The following COG3 variants were observed in gnomAD, a reference collection of about 807,000 sequenced individuals.
COG3 encodes component of oligomeric golgi complex 3, also known as conserved oligomeric Golgi complex subunit 3.
In COG3, 32 loss-of-function variants were observed where a neutral mutation model predicts 114.1. That is an observed-to-expected ratio of 0.28 (90% confidence interval 0.21 to 0.38). The LOEUF (loss-of-function observed/expected upper bound fraction) is 0.38. Ranked by LOEUF, COG3 falls within the 10% of genes least tolerant of loss-of-function variation. The pLI is 1.00. For missense variants in COG3, 813 were observed against 973.2 expected (o/e 0.84, Z 2.19); for synonymous variants, 352 against 365.7 (o/e 0.96, Z 0.43).
At chr13:45,519,914 A>G (rs1011968069) in intron 19 of COG3, among the ~76,000 whole-genome samples, 5 of 152,236 alleles carry the variant, frequency 3.3e-5, no homozygotes, top group African/African-American at 1.2e-4. Flanking sequence ...CTATTTTGAC[A>G]TTCTTGTTTC....
At chr13:45,499,435 A>G (rs1168770103) in intron 13 of COG3, among the ~76,000 whole-genome samples, 1 of 152,224 alleles carries the variant, frequency 6.6e-6, no homozygotes, top group African/African-American at 2.4e-5. Context: ...CAGATTTCAA[A>G]TCTCTTTAGA....
Position 45,503,361 on chromosome 13 carries a change from T to A in COG3, c.1594+12T>A. ...TCTGACAAAATCTGGTATGTTATGA[T>A]GTCTTAACTGCCAGCATTTATTCAT... On this transcript the variant is annotated intron_variant, in intron 14 of 22. Transcript: ENST00000349995. The A allele has an allele frequency of 2.4e-6, 3 of 1,271,082 alleles. No homozygotes were observed. The highest frequency in any genetic ancestry group is 3.5e-6 in the Non-Finnish European group (3 of 868,108). The allele number at this position is 1,271,082 out of a possible 1,614,324, so 78.7% of individuals were successfully genotyped here.
intron 12 of COG3, 92 bp from the exon 13 acceptor site, chr13:45,496,060 C>A: frequency 7.7e-7 from 1 of 1,296,290 alleles, no homozygotes; most frequent in Non-Finnish European, 1.1e-6. Context: ...GTGGTTCATA[C>A]TGTTTCTGAA....
chr13:45,470,867 T>C (rs1041989969), intron 1 of COG3, among the ~76,000 whole-genome samples: 3 of 152,268 alleles, frequency 2.0e-5, no homozygotes, highest in Non-Finnish European at 2.9e-5. Context: ...GTTCAGCTTA[T>C]GACTTTCTGA....
chr13:45,475,667 T>C (rs758335059), intron 1 of COG3, among the ~76,000 whole-genome samples: 3 of 152,124 alleles, frequency 2.0e-5, no homozygotes, highest in African/African-American at 7.2e-5. Context: ...ACCACCCTTA[T>C]TAGAAAGCTA....
intron 1 of COG3, among the ~76,000 whole-genome samples, chr13:45,469,024 C>A (rs1593667548): frequency 6.6e-6 from 1 of 152,154 alleles, no homozygotes; most frequent in Admixed American, 6.5e-5. Context: ...ACTTGTTTTG[C>A]TACTTTAAAA....
In COG3 at chr13:45,467,841, C is replaced by A. The variant is rs1049253808; in HGVS notation, c.174+2631C>A. On this transcript the variant is annotated intron_variant, in intron 1 of 22. Coordinates refer to ENST00000349995, the MANE Select transcript of COG3 (RefSeq NM_031431.4). ...CTCAAGGATTTTCTGTAGTGTTTCACAATTTTCACGAGATAAATTACTTCC... is the reference window on the plus strand; with the variant it reads ...CTCAAGGATTTTCTGTAGTGTTTCAAAATTTTCACGAGATAAATTACTTCC... 2.6e-5 allele frequency among the ~76,000 whole-genome samples: 4 copies of A among 152,122 alleles called. No individual in the cohort carries two copies. The East Asian group carries it at 7.7e-4, about 29-fold the overall frequency.
intron 13 of COG3, among the ~76,000 whole-genome samples, chr13:45,497,111 C>T (rs945661056): frequency 3.9e-5 from 6 of 152,124 alleles, no homozygotes; most frequent in Admixed American, 2.6e-4. Flanking sequence ...ATGTAGAAGC[C>T]ACCAGGTTGA....
At chr13:45,504,224 A>G (rs1008049689) in intron 14 of COG3, among the ~76,000 whole-genome samples, 1 of 152,232 alleles carries the variant, frequency 6.6e-6, no homozygotes, top group Non-Finnish European at 1.5e-5. Flanking sequence ...AGTCTACTCT[A>G]TAAACAGTTG....
chr13:45,489,467 TA>T (rs2137824534), intron 8 of COG3, among the ~76,000 whole-genome samples: 2 of 152,146 alleles, frequency 1.3e-5, no homozygotes, highest in South Asian at 4.2e-4. Flanking sequence ...ATACTAATGA[TA>T]AAAATTTGAT....
At position 45,534,684 on chromosome 13, in the gene COG3, C is replaced by A; in HGVS notation, c.2458-18C>A. Reference sequence around the variant, plus strand: ...ATTCCATAGGAGAACTAACATAGCTCTTAATTTTGCTTTTCAGCTGAGCCT... The same window carrying A: ...ATTCCATAGGAGAACTAACATAGCTATTAATTTTGCTTTTCAGCTGAGCCT... On this transcript the variant is annotated intron_variant, in intron 22 of 22. Transcript: ENST00000349995. 1 of 1,549,544 alleles carries A rather than the reference C, an allele frequency of 6.5e-7. No homozygotes were observed. The highest frequency in any genetic ancestry group is 2.4e-5 in the East Asian group (1 of 42,468).
Position 45,484,517 on chromosome 13 carries a change from A to T in COG3, c.843+1162A>T, listed in dbSNP as rs1288852400. On this transcript the variant is annotated intron_variant, in intron 7 of 22. Transcript: ENST00000349995. ...AGAGAGATGACAGTTCCATTTAATT[A>T]TTTCTCATGTGTAGCCATAATAATA... 1.2e-4 allele frequency among the ~76,000 whole-genome samples: 18 copies of T among 152,156 alleles called. No homozygotes were observed. In the East Asian group the frequency reaches 3.5e-3, roughly 29 times the overall value.
chr13:45,534,116 G>A (rs1456851020), intron 22 of COG3, among the ~76,000 whole-genome samples: 2 of 152,188 alleles, frequency 1.3e-5, no homozygotes, highest in Non-Finnish European at 2.9e-5. Flanking sequence ...CCTGCAGTTG[G>A]TCAGAATTGG....
chr13:45,482,475 TA>T lies in COG3; in HGVS notation c.717+4del. ...TGTATAACATATATCTCATCTCATG[TA>T]AGTCAGAGTATTTTTGCATGTTTTA... On this transcript the variant is annotated splice_donor_region_variant and intron_variant, in intron 6 of 22. Coordinates refer to ENST00000349995, the MANE Select transcript of COG3 (RefSeq NM_031431.4). 1 of 1,357,144 alleles carries T rather than the reference TA, an allele frequency of 7.4e-7. No homozygotes were observed. 84.1% of individuals were successfully genotyped at this position (1,357,144 alleles called of 1,614,324 possible). A position where few individuals can be genotyped will look rare whatever the true frequency, so the allele number is the denominator to read the frequency against.
intron 2 of COG3, among the ~76,000 whole-genome samples, chr13:45,478,381 G>A (rs1007947641): frequency 4.6e-5 from 7 of 150,868 alleles, no homozygotes; most frequent in Non-Finnish European, 7.4e-5. Flanking sequence ...GGGTTTCACC[G>A]TGTTAGCCAG....
In COG3 at chr13:45,530,844, T is replaced by C. The variant is rs1593759087; in HGVS notation, c.2457+64T>C. Reference sequence around the variant, plus strand: ...CTCTTGGTTATTTCACCTGAGTAGATAATGTCTTTGAGCAAACATATTTTT... The same window carrying C: ...CTCTTGGTTATTTCACCTGAGTAGACAATGTCTTTGAGCAAACATATTTTT... On this transcript the variant is annotated intron_variant, in intron 22 of 22. Transcript: ENST00000349995. 2.0e-6 allele frequency: 3 copies of C among 1,526,678 alleles called. No individual in the cohort carries two copies. In the East Asian group the frequency reaches 6.9e-5, roughly 35 times the overall value. 94.6% of individuals were successfully genotyped at this position (1,526,678 alleles called of 1,614,324 possible).
intron 1 of COG3, among the ~76,000 whole-genome samples, chr13:45,469,698 T>A (rs979441605): frequency 9.9e-5 from 15 of 151,844 alleles, no homozygotes; most frequent in African/African-American, 3.4e-4. Flanking sequence ...CAGTAAATAT[T>A]TTTTTTTAAG....
chr13:45,499,468 C>T (rs1349240955), intron 13 of COG3, among the ~76,000 whole-genome samples: 1 of 152,164 alleles, frequency 6.6e-6, no homozygotes, highest in Non-Finnish European at 1.5e-5. Context: ...TGTAAGTTTG[C>T]CATTTGCATG....
At chr13:45,490,497 T>C (rs1886951752) in intron 8 of COG3, among the ~76,000 whole-genome samples, 1 of 152,180 alleles carries the variant, frequency 6.6e-6, no homozygotes, top group Admixed American at 6.5e-5. Context: ...GGATATTATG[T>C]AGCCTTTTAG....
Sources: gnomAD v4.1 joint callset for allele counts (sites outside exome capture counted in the v4.1 genomes callset) on GRCh38, gnomAD v4.1.1 for gene constraint, MANE v1.5 for transcripts, NCBI Gene and HGNC (gene_info 2026-07-23, HGNC 2026-07-21) for gene names.